PPP1R12B: variants seen among roughly 807,000 people sequenced by gnomAD.
PPP1R12B encodes the protein protein phosphatase 1 regulatory subunit 12B, also known as myosin phosphatase target subunit 2.
Under a neutral mutation model 126.1 loss-of-function variants are expected in PPP1R12B, and 76 were observed. The observed-to-expected ratio is 0.60, with a 90% CI of 0.50 to 0.73. The LOEUF is 0.73. Among genes scored for constraint, PPP1R12B ranks in the 30% least tolerant of loss-of-function variants. The probability of loss-of-function intolerance (pLI) is 0.00; values close to 1 mark genes in which losing one functional copy is unlikely to be tolerated. For synonymous variants in PPP1R12B, 356 were observed against 434.7 expected, an observed-to-expected ratio of 0.82 and a Z score of 2.25; for missense variants, 1,052 against 1,205.1, an observed-to-expected ratio of 0.87 and a Z score of 1.88.
At chr1:202,525,883 G>T (rs1683286009) in intron 18 of PPP1R12B, among the ~76,000 whole-genome samples, 1 of 152,208 alleles carries the variant, frequency 6.6e-6, no homozygotes, top group South Asian at 2.1e-4. Flanking sequence ...AGTTTTAGTA[G>T]AGACGGGCTT....
chr1:202,580,331 A>G lies in PPP1R12B; in HGVS notation c.2863-143A>G, dbSNP rs1451539425. The G allele has an allele frequency of 2.3e-5, 14 of 618,562 alleles. No homozygotes were observed. In the Admixed American group the frequency reaches 3.7e-4, roughly 16 times the overall value. 38.3% of individuals were successfully genotyped at this position (618,562 alleles called of 1,614,324 possible). A position where few individuals can be genotyped will look rare whatever the true frequency, so the allele number is the denominator to read the frequency against. On this transcript the variant is annotated intron_variant, in intron 23 of 23. Transcript: ENST00000608999. Reference sequence around the variant, plus strand: ...AAAAAGGAAGATTGAAGGGAATTTCATCCCTGGGAGAAGGGACCATGAGAG... The same window carrying G: ...AAAAAGGAAGATTGAAGGGAATTTCGTCCCTGGGAGAAGGGACCATGAGAG...
chr1:202,348,817 TG>T lies in PPP1R12B; in HGVS notation c.-33del. The T allele has an allele frequency of 6.3e-7, 1 of 1,588,182 alleles. No individual in the cohort carries two copies. On this transcript the variant is annotated 5_prime_UTR_variant, in exon 1 of 24. Coordinates refer to ENST00000608999, the MANE Select transcript of PPP1R12B (RefSeq NM_002481.4). ...TCGAGCCCCAACAGTAATTTAGTGT[TG>T]GTAGTTTTGGCAGCAGCTGCCGAGG... is the stretch of plus-strand genomic sequence containing the variant.
intron 10 of PPP1R12B, chr1:202,438,746 CAG>C (rs1456888247): frequency 1.8e-4 from 127 of 702,478 alleles, no homozygotes; most frequent in African/African-American, 1.7e-3. Flanking sequence ...CGTGAGAGAA[CAG>C]CATGTGGGAG....
intron 13 of PPP1R12B, among the ~76,000 whole-genome samples, chr1:202,472,473 C>T (rs540418447): frequency 6.6e-6 from 1 of 152,266 alleles, no homozygotes; most frequent in Admixed American, 6.5e-5. Flanking sequence ...ACTCACTGGC[C>T]TTGTTGGTGC....
intron 2 of PPP1R12B, among the ~76,000 whole-genome samples, chr1:202,421,482 T>C (rs1668767808): frequency 6.6e-6 from 1 of 151,104 alleles, no homozygotes; most frequent in Admixed American, 6.6e-5. Flanking sequence ...ACTAAAAAAA[T>C]ACAAAAAATT....
chr1:202,422,705 A>G lies in PPP1R12B; in HGVS notation c.508A>G (p.Lys170Glu), dbSNP rs898377295. Residue 170 changes from lysine to glutamate, a missense_variant, in exon 3 of 24, where the codon AAG (lysine) becomes GAG (glutamate). Transcript: ENST00000608999. The part of the protein sequence containing the change: ...PSDLAEEPAM[K>E]DLLLEQVKKQ... ...TGACCTTGCAGAAGAGCCAGCCATG[A>G]AGGATCTTCTTCTGGAGCAAGTAAA... 1.2e-6 allele frequency: 2 copies of G among 1,613,734 alleles called. No homozygotes were observed. The highest frequency in any genetic ancestry group is 2.7e-5 in the African/African-American group (2 of 74,914).
At chr1:202,579,345 A>G (rs992139712) in intron 23 of PPP1R12B, among the ~76,000 whole-genome samples, 1 of 152,184 alleles carries the variant, frequency 6.6e-6, no homozygotes, top group Non-Finnish European at 1.5e-5. Flanking sequence ...TACTGGGGGC[A>G]TTACCTGCCC....
intron 18 of PPP1R12B, among the ~76,000 whole-genome samples, chr1:202,517,337 C>A (rs1682266526): frequency 6.6e-6 from 1 of 152,138 alleles, no homozygotes; most frequent in African/African-American, 2.4e-5. Flanking sequence ...AGAACTCTAG[C>A]CTCCAACTTT....
intron 19 of PPP1R12B, among the ~76,000 whole-genome samples, chr1:202,561,399 T>C (rs886380600): frequency 4.0e-5 from 6 of 151,662 alleles, no homozygotes; most frequent in Non-Finnish European, 7.4e-5. Flanking sequence ...TTTTTTTTTT[T>C]AGTGAGGCAA....
rs139499890 is a variant in PPP1R12B, at chr1:202,521,048, G to T, written c.2490+24226G>T. On this transcript the variant is annotated intron_variant, in intron 18 of 23. Transcript: ENST00000608999. ...CTTATCCCAGCAGTGTCACAGCCAG[G>T]AATAAGCTGCTTGTTCCTGACCAGA... Among the ~76,000 whole-genome samples, 70 of 152,228 alleles carry T rather than the reference G, an allele frequency of 4.6e-4. No individual in the cohort carries two copies. In the East Asian group the frequency reaches 0.013, roughly 28 times the overall value.
At chr1:202,358,163 C>G (rs1288809858) in intron 1 of PPP1R12B, among the ~76,000 whole-genome samples, 1 of 152,062 alleles carries the variant, frequency 6.6e-6, no homozygotes, top group African/African-American at 2.4e-5. Flanking sequence ...TCATATAGGA[C>G]AAGGAATTGA....
At chr1:202,576,637 AC>A (rs879772586) in intron 23 of PPP1R12B, 3 of 152,066 alleles carry the variant, frequency 2.0e-5, no homozygotes, top group Admixed American at 6.6e-5. Context: ...TAAACTAGGG[AC>A]CCCCCAAAAG....
chr1:202,468,898 A>T (rs1276154932), intron 13 of PPP1R12B, among the ~76,000 whole-genome samples: 1 of 152,112 alleles, frequency 6.6e-6, no homozygotes, highest in African/African-American at 2.4e-5. Flanking sequence ...TGACCACTGC[A>T]CTCCAGCCTG....
chr1:202,549,191 G>A (rs1173873444), intron 18 of PPP1R12B, among the ~76,000 whole-genome samples: 3 of 151,954 alleles, frequency 2.0e-5, no homozygotes, highest in African/African-American at 4.8e-5. Flanking sequence ...TGTGGCCCTC[G>A]CAAGGCCCCA....
At chr1:202,364,591 T>G (rs1226376717) in intron 1 of PPP1R12B, among the ~76,000 whole-genome samples, 1 of 151,852 alleles carries the variant, frequency 6.6e-6, no homozygotes, top group Non-Finnish European at 1.5e-5. Flanking sequence ...TATTTATTTT[T>G]TTTGAGACGG....
chr1:202,368,599 C>G (rs990444294), intron 1 of PPP1R12B, among the ~76,000 whole-genome samples: 6 of 152,010 alleles, frequency 3.9e-5, no homozygotes, highest in African/African-American at 1.4e-4. Context: ...TCATCCTCCC[C>G]CAGGCTACCA....
chr1:202,541,111 T>C (rs2148962447), intron 18 of PPP1R12B, among the ~76,000 whole-genome samples: 1 of 152,304 alleles, frequency 6.6e-6, no homozygotes, highest in South Asian at 2.1e-4. Context: ...AGTTACTTTT[T>C]CAGGAACTAG....
intron 1 of PPP1R12B, among the ~76,000 whole-genome samples, chr1:202,396,760 G>A (rs1380646153): frequency 6.6e-6 from 1 of 152,076 alleles, no homozygotes; most frequent in Non-Finnish European, 1.5e-5. Context: ...CTATAGGTGC[G>A]TGCCATCATG....
chr1:202,588,592 C>G lies in PPP1R12B; in HGVS notation c.*8032C>G, dbSNP rs182354022. On this transcript the variant is annotated 3_prime_UTR_variant, in exon 24 of 24. Transcript: ENST00000608999. ...TTGTGACTGTCTCCACAGTTCAGAG[C>G]ATGGGATTTCTAGAATCTCACATCT... The G allele has an allele frequency of 6.6e-6, 1 of 152,494 alleles. No individual in the cohort carries two copies. The highest frequency in any genetic ancestry group is 2.4e-5 in the African/African-American group (1 of 41,394). The allele number at this position is 152,494 out of a possible 1,614,324, so 9.4% of individuals were successfully genotyped here. A position where few individuals can be genotyped will look rare whatever the true frequency, so the allele number is the denominator to read the frequency against.
Sources: allele counts gnomAD v4.1 joint callset (sites outside exome capture counted in the v4.1 genomes callset), GRCh38; gene constraint gnomAD v4.1.1; transcripts MANE v1.5; gene names NCBI Gene and HGNC (gene_info 2026-07-23, HGNC 2026-07-21).